NECAB1: variants seen among roughly 807,000 people sequenced by gnomAD.
NECAB1 encodes N-terminal EF-hand calcium binding protein 1.
In NECAB1, 29 loss-of-function variants were observed where a neutral mutation model predicts 57.5. The observed-to-expected ratio is 0.50, with a 90% confidence interval of 0.38 to 0.69. The LOEUF is 0.69. Ranked by LOEUF, NECAB1 falls within the 30% of genes least tolerant of loss-of-function variation. The probability of loss-of-function intolerance (pLI) is 0.00; values close to 1 mark genes in which losing one functional copy is unlikely to be tolerated. For synonymous variants in NECAB1, 142 were observed against 147.7 expected, an observed-to-expected ratio of 0.96 and a Z score of 0.28; for missense variants, 372 against 413.8, an observed-to-expected ratio of 0.90 and a Z score of 0.88.
intron 3 of NECAB1, among the ~76,000 whole-genome samples, chr8:90,845,383 T>G (rs1366699582): frequency 1.3e-5 from 2 of 152,180 alleles, no homozygotes; most frequent in Non-Finnish European, 2.9e-5. Context: ...ATGGAGAGAA[T>G]TTGGTTTATA....
chr8:90,907,151 T>TGTGTGAGA (rs1341940094), intron 5 of NECAB1, among the ~76,000 whole-genome samples: 4 of 102,042 alleles, frequency 3.9e-5, no homozygotes, highest in Non-Finnish European at 7.4e-5. Flanking sequence ...TGTGTGTGTG[T>TGTGTGAGA]GAGAGAGAGA....
intron 1 of NECAB1, among the ~76,000 whole-genome samples, chr8:90,801,126 T>A (rs1442849580): frequency 6.6e-6 from 1 of 152,206 alleles, no homozygotes; most frequent in Non-Finnish European, 1.5e-5. Context: ...ATGATTGACT[T>A]ACATTAATGT....
intron 6 of NECAB1, among the ~76,000 whole-genome samples, chr8:90,921,662 G>T (rs1490130931): frequency 6.7e-6 from 1 of 149,670 alleles, no homozygotes; most frequent in Non-Finnish European, 1.5e-5. Context: ...CAACAAAAGC[G>T]AAACTCCATC....
chr8:90,942,814 G>T (rs1398158760), intron 10 of NECAB1, among the ~76,000 whole-genome samples: 1 of 152,110 alleles, frequency 6.6e-6, no homozygotes, highest in Non-Finnish European at 1.5e-5. Context: ...CCCCGGAGGC[G>T]GAGGTTGCAG....
intron 4 of NECAB1, among the ~76,000 whole-genome samples, chr8:90,876,025 T>C (rs1244733753): frequency 6.6e-6 from 1 of 151,584 alleles, no homozygotes; most frequent in African/African-American, 2.4e-5. Flanking sequence ...ATAATAATAA[T>C]AAATAAAGTA....
chr8:90,893,545 C>T (rs1212327272), intron 5 of NECAB1, among the ~76,000 whole-genome samples: 1 of 152,046 alleles, frequency 6.6e-6, no homozygotes, highest in Non-Finnish European at 1.5e-5. Flanking sequence ...GGTGTCCCTT[C>T]CAAGGGACTA....
Position 90,918,345 on chromosome 8 carries a change from T to G in NECAB1, c.494+717T>G, listed in dbSNP as rs115425205. 5.8e-3 allele frequency among the ~76,000 whole-genome samples: 882 copies of G among 151,960 alleles called. 7 individuals are homozygous for G. The highest frequency in any genetic ancestry group is 0.02 in the African/African-American group (847 of 41,470). On this transcript the variant is annotated intron_variant, in intron 6 of 12. Transcript: ENST00000417640. ...AAATTTTAATTGAAAATTTAGTAGA[T>G]GGAGAAGACTTTAAAGTATTATGAA...
intron 2 of NECAB1, among the ~76,000 whole-genome samples, chr8:90,813,558 ACT>A (rs1369637814): frequency 1.3e-5 from 2 of 152,056 alleles, no homozygotes; most frequent in East Asian, 3.8e-4. Flanking sequence ...ACAAGATCTC[ACT>A]CTGTCACCCA....
At chr8:90,891,038 G>A (rs771212285) in intron 5 of NECAB1, among the ~76,000 whole-genome samples, 4 of 152,168 alleles carry the variant, frequency 2.6e-5, no homozygotes, top group African/African-American at 9.7e-5. Flanking sequence ...GTTTATGGCC[G>A]AAGATTGCTG....
intron 6 of NECAB1, among the ~76,000 whole-genome samples, chr8:90,922,512 A>AGAT (rs1810145849): frequency 3.9e-5 from 1 of 25,556 alleles, no homozygotes; most frequent in Non-Finnish European, 5.5e-5. Flanking sequence ...TTTTTTTTTG[A>AGAT]GATGGAGTCT....
chr8:90,903,281 T>C (rs1168295485), intron 5 of NECAB1, among the ~76,000 whole-genome samples: 2 of 152,106 alleles, frequency 1.3e-5, no homozygotes, highest in Admixed American at 1.3e-4. Flanking sequence ...TTAAAAATAT[T>C]TTATGTTGCC....
chr8:90,955,366 A>C, intron 12 of NECAB1, 121 bp from the exon 13 acceptor site: 1 of 647,264 alleles, frequency 1.5e-6, no homozygotes, highest in Admixed American at 3.2e-5. Context: ...GACTAGAAAG[A>C]TAAGTTATTA....
At chr8:90,854,199 C>T (rs1182064548) in intron 3 of NECAB1, among the ~76,000 whole-genome samples, 1 of 152,034 alleles carries the variant, frequency 6.6e-6, no homozygotes, top group Non-Finnish European at 1.5e-5. Context: ...GAAAATTGGG[C>T]TGGTTTTAGT....
At position 90,815,172 on chromosome 8, in the gene NECAB1, A is replaced by C. The variant is rs533225653; in HGVS notation, c.125-9545A>C. ...CAGTCTACATGTGTACCAGTATCAG[A>C]ATGTTTAACTCATAGCCTATGGAAA... On this transcript the variant is annotated intron_variant, in intron 2 of 12. Coordinates refer to ENST00000417640, the MANE Select transcript of NECAB1 (RefSeq NM_022351.5). 2.0e-5 allele frequency among the ~76,000 whole-genome samples: 3 copies of C among 152,178 alleles called. No homozygotes were observed. In the South Asian group the frequency reaches 6.2e-4, roughly 31 times the overall value.
At chr8:90,922,328 C>T (rs1230750344) in intron 6 of NECAB1, among the ~76,000 whole-genome samples, 1 of 151,890 alleles carries the variant, frequency 6.6e-6, no homozygotes, top group Non-Finnish European at 1.5e-5. Context: ...TATTTTTCTC[C>T]TTTTGATAGT....
At chr8:90,944,802 G>C (rs1236864731) in intron 10 of NECAB1, among the ~76,000 whole-genome samples, 1 of 152,090 alleles carries the variant, frequency 6.6e-6, no homozygotes, top group African/African-American at 2.4e-5. Context: ...CCATGTCAAG[G>C]GCCTAAGGAA....
chr8:90,820,794 A>C (rs1380570459), intron 2 of NECAB1, among the ~76,000 whole-genome samples: 2 of 151,886 alleles, frequency 1.3e-5, no homozygotes, highest in Non-Finnish European at 2.9e-5. Flanking sequence ...TACTCAATAA[A>C]TATTTTTCAA....
chr8:90,859,034 T>C (rs1812847266), intron 3 of NECAB1: 1 of 152,194 alleles, frequency 6.6e-6, no homozygotes, highest in Non-Finnish European at 1.5e-5. Context: ...GCTCCCACTG[T>C]CTAGTACCCA....
intron 2 of NECAB1, among the ~76,000 whole-genome samples, chr8:90,810,922 G>A (rs1811947887): frequency 6.6e-6 from 1 of 151,694 alleles, no homozygotes; most frequent in South Asian, 2.1e-4. Flanking sequence ...TGCACATGGA[G>A]AAAATTGAAT....
Sources: allele counts gnomAD v4.1 joint callset (sites outside exome capture counted in the v4.1 genomes callset), GRCh38; gene constraint gnomAD v4.1.1; transcripts MANE v1.5; gene names NCBI Gene and HGNC (gene_info 2026-07-23, HGNC 2026-07-21).